FZD3: variants seen among roughly 807,000 people sequenced by gnomAD.
The protein encoded by FZD3 is frizzled class receptor 3.
In FZD3, 30 loss-of-function variants were observed where a neutral mutation model predicts 60.7. The ratio of observed to expected loss-of-function variants is 0.49; its 90% CI spans 0.37 to 0.67. The LOEUF is 0.67. FZD3 is among the 30% of genes least tolerant of loss of function. The pLI, the probability that FZD3 is intolerant of heterozygous loss-of-function variation, is 0.00. For missense variants in FZD3, 605 were observed against 838.7 expected, an observed-to-expected ratio of 0.72 and a Z score of 3.44; for synonymous variants, 246 against 275.2, an observed-to-expected ratio of 0.89 and a Z score of 1.05.
chr8:28,508,091 C>T (rs1804188468), intron 3 of FZD3, among the ~76,000 whole-genome samples: 1 of 151,992 alleles, frequency 6.6e-6, no homozygotes, highest in African/African-American at 2.4e-5. Context: ...GGCAAGATCT[C>T]ACTATGTTGC....
intron 3 of FZD3, among the ~76,000 whole-genome samples, chr8:28,506,109 A>G (rs1804133935): frequency 2.6e-5 from 4 of 152,234 alleles, no homozygotes. Context: ...GGAACTGTTC[A>G]GCATGGAGCA....
chr8:28,502,380 A>G (rs1804019104), intron 2 of FZD3, among the ~76,000 whole-genome samples: 1 of 152,220 alleles, frequency 6.6e-6, no homozygotes. Flanking sequence ...AATCAATTAT[A>G]TATTGTGACG....
chr8:28,544,118 G>A (rs1042302187), intron 5 of FZD3, among the ~76,000 whole-genome samples: 7 of 151,898 alleles, frequency 4.6e-5, no homozygotes, highest in Admixed American at 4.6e-4. Flanking sequence ...TGGATTACCT[G>A]TTAATATCTT....
chr8:28,521,529 A>AT (rs1279170417), intron 4 of FZD3, among the ~76,000 whole-genome samples: 1 of 151,956 alleles, frequency 6.6e-6, no homozygotes, highest in Non-Finnish European at 1.5e-5. Context: ...TTGGCTTCAG[A>AT]TTTTTTTTAA....
chr8:28,515,327 C>A (rs527648328), intron 3 of FZD3, among the ~76,000 whole-genome samples: 10 of 152,232 alleles, frequency 6.6e-5, no homozygotes, highest in African/African-American at 2.2e-4. Context: ...TCTCGGGAGA[C>A]TGAGACAAGT....
At chr8:28,562,075 T>C (rs1221791767) in intron 7 of FZD3, among the ~76,000 whole-genome samples, 1 of 152,146 alleles carries the variant, frequency 6.6e-6, no homozygotes, top group Non-Finnish European at 1.5e-5. Flanking sequence ...TACTCCAAGC[T>C]GGGTCTAGAG....
chr8:28,551,164 AC>A (rs1199458486), intron 5 of FZD3, among the ~76,000 whole-genome samples: 1 of 152,176 alleles, frequency 6.6e-6, no homozygotes, highest in East Asian at 1.9e-4. Context: ...TATTTTTTCC[AC>A]ATAAGAAAAT....
chr8:28,520,221 C>CAAA (rs199633141), intron 3 of FZD3, among the ~76,000 whole-genome samples: 69,919 of 130,498 alleles, frequency 0.54, 18,202 homozygotes, highest in South Asian at 0.63. Context: ...AAAAAAACAA[C>CAAA]AAAAAAAAAA....
chr8:28,539,997 G>A (rs1805121722), intron 5 of FZD3, among the ~76,000 whole-genome samples: 1 of 152,098 alleles, frequency 6.6e-6, no homozygotes, highest in South Asian at 2.1e-4. Flanking sequence ...CAAAACGCAG[G>A]TAAATGGTTT....
intron 3 of FZD3, among the ~76,000 whole-genome samples, chr8:28,511,008 G>T (rs909826806): frequency 2.0e-5 from 3 of 151,876 alleles, no homozygotes; most frequent in Non-Finnish European, 4.4e-5. Flanking sequence ...CTGCACTCCA[G>T]CCTGGGCAAC....
intron 5 of FZD3, among the ~76,000 whole-genome samples, chr8:28,539,804 C>G (rs867905195): frequency 4.0e-5 from 6 of 151,814 alleles, no homozygotes; most frequent in African/African-American, 1.5e-4. Context: ...CAACCTGATT[C>G]AAAGCTAAGG....
chr8:28,521,472 T>C (rs1332098458), intron 4 of FZD3, among the ~76,000 whole-genome samples: 2 of 152,290 alleles, frequency 1.3e-5, no homozygotes, highest in South Asian at 2.1e-4. Context: ...TGAATACTTA[T>C]GTATCTATTA....
At chr8:28,512,671 T>C (rs756626924) in intron 3 of FZD3, among the ~76,000 whole-genome samples, 1 of 152,176 alleles carries the variant, frequency 6.6e-6, no homozygotes, top group Non-Finnish European at 1.5e-5. Context: ...TTATTAAATA[T>C]ATTTTGATTG....
rs528377696 is a variant in FZD3 at position 28,558,633 on chromosome 8, T to C, written c.1787+2662T>C. Among the ~76,000 whole-genome samples, 4 of 152,202 alleles carry C rather than the reference T, an allele frequency of 2.6e-5. No homozygotes were observed. The East Asian group carries it at 5.8e-4, about 22-fold the overall frequency. ...TTTTATTAGAGACAGGGTTTTGACA[T>C]GTTGGCCAAGCTGGTCTCGAACTCC... On this transcript the variant is annotated intron_variant, in intron 7 of 7. Coordinates refer to ENST00000240093, the MANE Select transcript of FZD3 (RefSeq NM_017412.4).
intron 3 of FZD3, among the ~76,000 whole-genome samples, chr8:28,509,603 T>A (rs1347373487): frequency 6.6e-6 from 1 of 152,204 alleles, no homozygotes; most frequent in Non-Finnish European, 1.5e-5. Flanking sequence ...CATTTTTTCT[T>A]CTCCCTAGTC....
chr8:28,561,599 T>A (rs76649878), intron 7 of FZD3, among the ~76,000 whole-genome samples: 6 of 147,630 alleles, frequency 4.1e-5, no homozygotes, highest in Non-Finnish European at 7.5e-5. Context: ...GATGACTGTT[T>A]AAAAAAAAAA....
chr8:28,502,268 G>A (rs527293860), intron 2 of FZD3, among the ~76,000 whole-genome samples: 1 of 152,230 alleles, frequency 6.6e-6, no homozygotes, highest in Non-Finnish European at 1.5e-5. Context: ...TACTATTAAA[G>A]ATTAAAACAC....
intron 5 of FZD3, among the ~76,000 whole-genome samples, chr8:28,534,279 T>C (rs767205738): frequency 3.3e-5 from 5 of 152,210 alleles, no homozygotes; most frequent in Non-Finnish European, 7.3e-5. Flanking sequence ...TACAGTTCTG[T>C]GACATTAAGT....
chr8:28,499,438 G>A (rs979870643), intron 1 of FZD3, among the ~76,000 whole-genome samples: 1 of 151,964 alleles, frequency 6.6e-6, no homozygotes, highest in Non-Finnish European at 1.5e-5. Flanking sequence ...CTTTTCAGTT[G>A]TTACCAGCTT....
Sources: allele counts gnomAD v4.1 joint callset (sites outside exome capture counted in the v4.1 genomes callset), GRCh38; gene constraint gnomAD v4.1.1; transcripts MANE v1.5; gene names NCBI Gene and HGNC (gene_info 2026-07-23, HGNC 2026-07-21).